EP300: variants seen among roughly 807,000 people sequenced by gnomAD.
EP300 encodes EP300 lysine acetyltransferase.
Under a neutral mutation model 264.0 loss-of-function variants are expected in EP300, and 31 were observed. The ratio of observed to expected loss-of-function variants is 0.12; its 90% confidence interval spans 0.09 to 0.16. The LOEUF (loss-of-function observed/expected upper bound fraction) is 0.16. Among genes scored for constraint, EP300 ranks in the 10% least tolerant of loss-of-function variants. The pLI is 1.00. For missense variants in EP300, 2,766 were observed against 3,052.9 expected, an observed-to-expected ratio of 0.91 and a Z score of 2.21; for synonymous variants, 1,340 against 1,045.4, an observed-to-expected ratio of 1.28 and a Z score of -5.44.
At chr22:41,101,778 C>T (rs2145677488) in intron 1 of EP300, among the ~76,000 whole-genome samples, 1 of 152,164 alleles carries the variant, frequency 6.6e-6, no homozygotes, top group East Asian at 1.9e-4. Flanking sequence ...TGAAGTTATC[C>T]TCCTGCTTCG....
At position 41,131,446 on chromosome 22, in the gene EP300, A is replaced by G. The variant is rs780940794; in HGVS notation, c.1341A>G (p.Gln447=). ...ATCCTAGCTCTCTAGGGGTGGGTCA[A>G]CAGTCTGCCCCCAACCTAAGCACTG... ...LGNPSSLGVG[Q]QSAPNLSTVS... The change falls in exon 6 of 31, where the codon CAA becomes CAG. Residue 447 remains glutamine, a synonymous_variant. Transcript: ENST00000263253. 18 of 1,613,994 alleles carry G rather than the reference A, an allele frequency of 1.1e-5. No homozygotes were observed. The East Asian group carries it at 3.6e-4, about 32-fold the overall frequency.
intron 1 of EP300, among the ~76,000 whole-genome samples, chr22:41,098,152 C>T (rs1601586145): frequency 6.6e-6 from 1 of 152,076 alleles, no homozygotes; most frequent in East Asian, 1.9e-4. Flanking sequence ...CTCTCCCCTC[C>T]CTGCTAAAAA....
At chr22:41,099,476 C>T (rs1400762068) in intron 1 of EP300, among the ~76,000 whole-genome samples, 1 of 152,220 alleles carries the variant, frequency 6.6e-6, no homozygotes, top group Non-Finnish European at 1.5e-5. Flanking sequence ...GTGTCTTCCA[C>T]ACACAAATTT....
chr22:41,155,622 A>G (rs1412198196), intron 17 of EP300, among the ~76,000 whole-genome samples: 1 of 151,922 alleles, frequency 6.6e-6, no homozygotes, highest in Admixed American at 6.6e-5. Flanking sequence ...ATTAACAGTC[A>G]CTCACTATTT....
chr22:41,099,574 AT>A (rs1182705664), intron 1 of EP300, among the ~76,000 whole-genome samples: 2 of 152,160 alleles, frequency 1.3e-5, no homozygotes, highest in Admixed American at 6.5e-5. Context: ...ACTATCACGA[AT>A]TTTTTTCCTT....
In EP300 at chr22:41,178,857, G is replaced by A; in HGVS notation, c.7146G>A (p.Met2382Ile). 6.2e-7 allele frequency: 1 copy of A among 1,614,156 alleles called. No individual in the cohort carries two copies. ...MLSQLASNPG[M>I]ANLHGASATD... ...CTCAGCTTGCTAGCAATCCAGGCAT[G>A]GCAAACCTCCATGGTGCAAGCGCCA... The change falls in exon 31 of 31, where the codon ATG becomes ATA. Residue 2382 changes from methionine to isoleucine, a missense_variant. Transcript: ENST00000263253.
intron 2 of EP300, among the ~76,000 whole-genome samples, chr22:41,121,636 G>T (rs1212249804): frequency 6.6e-6 from 1 of 152,142 alleles, no homozygotes; most frequent in African/African-American, 2.4e-5. Context: ...GTAATGCATC[G>T]TGATCAAGGG....
At chr22:41,168,353 T>C in intron 23 of EP300, 96 bp from the exon 24 acceptor site, 1 of 1,438,508 alleles carries the variant, frequency 7.0e-7, no homozygotes, top group Non-Finnish European at 9.8e-7. Context: ...TTATCCTGTT[T>C]GTATTGAAAA....
chr22:41,158,032 C>G (rs2059087234), intron 18 of EP300, among the ~76,000 whole-genome samples: 1 of 152,190 alleles, frequency 6.6e-6, no homozygotes, highest in Admixed American at 6.5e-5. Context: ...CCTGTACATA[C>G]CAATTCACAT....
intron 2 of EP300, 65 bp downstream of exon 2, chr22:41,117,886 G>T: frequency 6.2e-7 from 1 of 1,608,886 alleles, no homozygotes; most frequent in Non-Finnish European, 8.5e-7. Context: ...GATGGATGGA[G>T]GGTTTGCCTT....
At chr22:41,103,305 T>G (rs1407786379) in intron 1 of EP300, among the ~76,000 whole-genome samples, 1 of 152,186 alleles carries the variant, frequency 6.6e-6, no homozygotes, top group Non-Finnish European at 1.5e-5. Flanking sequence ...TGCTGCACCT[T>G]TATCTCATTT....
chr22:41,095,694 A>G (rs1302869185), intron 1 of EP300, among the ~76,000 whole-genome samples: 1 of 152,158 alleles, frequency 6.6e-6, no homozygotes, highest in African/African-American at 2.4e-5. Context: ...ATGTGAAAGA[A>G]AATTATTTCT....
intron 6 of EP300, among the ~76,000 whole-genome samples, chr22:41,132,341 G>A: frequency 8.6e-6 from 1 of 116,290 alleles, no homozygotes; most frequent in Non-Finnish European, 1.7e-5. Flanking sequence ...AGGCTGGAAT[G>A]CAGTGGCACG....
chr22:41,129,374 G>T (rs1302686508), intron 4 of EP300, among the ~76,000 whole-genome samples: 5 of 152,168 alleles, frequency 3.3e-5, no homozygotes, highest in Non-Finnish European at 2.9e-5. Context: ...AATTTTAAAG[G>T]TCTTCCCATG....
chr22:41,126,198 C>T, intron 3 of EP300, 158 bp downstream of exon 3: 1 of 713,030 alleles, frequency 1.4e-6, no homozygotes, highest in Non-Finnish European at 2.3e-6. Flanking sequence ...GCTTGTGCTT[C>T]CTTTCCATTT....
chr22:41,106,729 C>T (rs1428022266), intron 1 of EP300, among the ~76,000 whole-genome samples: 2 of 151,650 alleles, frequency 1.3e-5, no homozygotes, highest in African/African-American at 4.8e-5. Flanking sequence ...ATCCTCCCAC[C>T]TCAGCCTGTA....
chr22:41,149,149 T>C lies in EP300; in HGVS notation c.2353T>C (p.Ser785Pro). 1 of 1,614,134 alleles carries C rather than the reference T, an allele frequency of 6.2e-7. No homozygotes were observed. The highest frequency in any genetic ancestry group is 8.5e-7 in the Non-Finnish European group (1 of 1,180,020). ...TGTAACAAATATCCCTTTGGCTCCG[T>C]CCAGCGGTCAAGCTCCAGTGTCTCA... Reference protein sequence around the residue: ...MNVTNIPLAPSSGQAPVSQAQ... With the variant: ...MNVTNIPLAPPSGQAPVSQAQ... The change falls in exon 13 of 31, where the codon TCC (serine) becomes CCC (proline). Residue 785 changes from serine (S) to proline (P), a missense_variant. Coordinates refer to ENST00000263253, the MANE Select transcript of EP300 (RefSeq NM_001429.4).
intron 16 of EP300, among the ~76,000 whole-genome samples, chr22:41,153,675 G>A (rs939565520): frequency 3.9e-5 from 6 of 152,144 alleles, no homozygotes; most frequent in African/African-American, 9.7e-5. Flanking sequence ...ACTTGAACCC[G>A]GGAGATGGAA....
intron 11 of EP300, 74 bp downstream of exon 11, chr22:41,146,890 C>G (rs74969015): frequency 7.7e-7 from 1 of 1,296,752 alleles, no homozygotes; most frequent in South Asian, 1.2e-5. Flanking sequence ...GCTACCTGAA[C>G]ACCCGCTTTA....
Sources: gnomAD v4.1 joint callset for allele counts (sites outside exome capture counted in the v4.1 genomes callset) on GRCh38, gnomAD v4.1.1 for gene constraint, MANE v1.5 for transcripts, NCBI Gene and HGNC (gene_info 2026-07-23, HGNC 2026-07-21) for gene names.